GDA: variants seen among roughly 807,000 people sequenced by gnomAD.
The protein encoded by GDA is guanine deaminase.
Under a neutral mutation model 59.6 loss-of-function variants are expected in GDA, and 18 were observed. That is an observed-to-expected ratio of 0.30 (90% CI 0.21 to 0.45). The LOEUF (loss-of-function observed/expected upper bound fraction) is 0.45, where lower values mean the gene tolerates loss of function less well. GDA is among the 20% of genes least tolerant of loss of function. The pLI is 1.00. For missense variants in GDA, 427 were observed against 552.3 expected, an observed-to-expected ratio of 0.77 and a Z score of 2.27; for synonymous variants, 201 against 201.1, an observed-to-expected ratio of 1.00 and a Z score of 0.00.
chr9:72,129,817 G>T (rs909508444), intron 1 of GDA, among the ~76,000 whole-genome samples: 1 of 152,152 alleles, frequency 6.6e-6, no homozygotes, highest in Non-Finnish European at 1.5e-5. Context: ...CCAGAGGGTT[G>T]CTTGGTAAGC....
chr9:72,122,634 T>TACACACACAC (rs112045510), intron 1 of GDA, among the ~76,000 whole-genome samples: 140 of 147,492 alleles, frequency 9.5e-4, no homozygotes, highest in African/African-American at 3.2e-3. Flanking sequence ...TGTATACATT[T>TACACACACAC]ACACACACAC....
chr9:72,239,346 G>T (rs1443820644), intron 10 of GDA, among the ~76,000 whole-genome samples: 5 of 152,096 alleles, frequency 3.3e-5, no homozygotes, highest in Non-Finnish European at 7.4e-5. Flanking sequence ...CCAGTAAATT[G>T]CATAGCATTA....
At chr9:72,201,761 G>T (rs1468728596) in intron 2 of GDA, among the ~76,000 whole-genome samples, 1 of 152,158 alleles carries the variant, frequency 6.6e-6, no homozygotes, top group Non-Finnish European at 1.5e-5. Context: ...AAAGCATGAA[G>T]TGTCTGTTAG....
chr9:72,154,413 C>A (rs1268128148), intron 1 of GDA, among the ~76,000 whole-genome samples: 2 of 152,216 alleles, frequency 1.3e-5, no homozygotes, highest in Non-Finnish European at 2.9e-5. Context: ...TGCCTCCTAG[C>A]AAATCCTTAA....
intron 1 of GDA, among the ~76,000 whole-genome samples, chr9:72,122,802 T>C (rs1825708435): frequency 6.6e-6 from 1 of 152,154 alleles, no homozygotes; most frequent in Non-Finnish European, 1.5e-5. Flanking sequence ...CCAGCCTTTC[T>C]ATCATTTCCC....
At chr9:72,243,130 T>C (rs1839806869) in intron 11 of GDA, among the ~76,000 whole-genome samples, 1 of 152,200 alleles carries the variant, frequency 6.6e-6, no homozygotes, top group African/African-American at 2.4e-5. Flanking sequence ...TTTACATTCA[T>C]TCTCAAGAAG....
chr9:72,138,877 C>T (rs1826340693), intron 1 of GDA, among the ~76,000 whole-genome samples: 1 of 152,182 alleles, frequency 6.6e-6, no homozygotes, highest in Non-Finnish European at 1.5e-5. Context: ...GGTAACAGCA[C>T]ATTAAACAAC....
chr9:72,225,591 A>T (rs1291565762), intron 7 of GDA, 86 bp from the exon 8 acceptor site: 9 of 681,556 alleles, frequency 1.3e-5, no homozygotes, highest in Non-Finnish European at 2.3e-5. Context: ...CAAGTAGAAA[A>T]CCATTCACAC....
At chr9:72,137,242 C>CTTTTTTTTTTTTTTTTTT (rs143364725) in intron 1 of GDA, among the ~76,000 whole-genome samples, 4 of 84,506 alleles carry the variant, frequency 4.7e-5, no homozygotes, top group Non-Finnish European at 6.3e-5. Context: ...TTCTTTTTTT[C>CTTTTTTTTTTTTTTTTTT]TTTTTTTTTT....
chr9:72,200,623 T>G (rs974614447), intron 2 of GDA, among the ~76,000 whole-genome samples: 3 of 152,194 alleles, frequency 2.0e-5, no homozygotes, highest in African/African-American at 7.2e-5. Context: ...GTTAAACAAT[T>G]TAACTGCATG....
rs187862494 is a variant in GDA at position 72,142,960 on chromosome 9, G to A, written c.-100+28127G>A. On this transcript the variant is annotated intron_variant, in intron 1 of 13. Coordinates refer to the GDA transcript ENST00000545168. ...AATTTTGTATGTTTAGTAGAGACAG[G>A]GTTTCTCCATGTTGGTCAGGCTGGT... Among the ~76,000 whole-genome samples the A allele has an allele frequency of 1.6e-3, 239 of 151,430 alleles. 4 individuals are homozygous for A. The highest frequency in any genetic ancestry group is 5.5e-3 in the African/African-American group (226 of 41,242).
chr9:72,167,322 A>C (rs1435103090), intron 1 of GDA, among the ~76,000 whole-genome samples: 2 of 151,892 alleles, frequency 1.3e-5, no homozygotes, highest in Non-Finnish European at 2.9e-5. Context: ...TCCATCAGGG[A>C]GATAGATTTG....
chr9:72,121,986 T>C (rs969062276), intron 1 of GDA, among the ~76,000 whole-genome samples: 29 of 152,330 alleles, frequency 1.9e-4, no homozygotes, highest in African/African-American at 6.7e-4. Flanking sequence ...TATAAATCTC[T>C]GGGGTTGAAG....
At chr9:72,157,139 A>C (rs1001677632) in intron 1 of GDA, among the ~76,000 whole-genome samples, 1 of 145,806 alleles carries the variant, frequency 6.9e-6, no homozygotes, top group African/African-American at 2.6e-5. Flanking sequence ...TCCTGGGTTC[A>C]AGCGATTCTC....
intron 7 of GDA, 91 bp from the exon 8 acceptor site, chr9:72,225,586 A>T (rs996003108): frequency 1.5e-6 from 1 of 672,622 alleles, no homozygotes; most frequent in Non-Finnish European, 2.6e-6. Flanking sequence ...ATAGGCAAGT[A>T]GAAAACCATT....
intron 3 of GDA, among the ~76,000 whole-genome samples, chr9:72,209,689 G>T (rs1172798885): frequency 6.6e-6 from 1 of 152,036 alleles, no homozygotes; most frequent in Admixed American, 6.6e-5. Flanking sequence ...GCTATAAGGT[G>T]CTGACTGGAA....
At chr9:72,154,750 T>C (rs1054721589) in intron 1 of GDA, among the ~76,000 whole-genome samples, 2 of 152,186 alleles carry the variant, frequency 1.3e-5, no homozygotes, top group Non-Finnish European at 1.5e-5. Context: ...GGATTTTGAA[T>C]TAGTATGGGG....
intron 1 of GDA, among the ~76,000 whole-genome samples, chr9:72,179,603 C>T (rs1830937260): frequency 6.6e-6 from 1 of 152,180 alleles, no homozygotes. Flanking sequence ...TAGGACAGAT[C>T]AGTCTTATGA....
Position 72,149,460 on chromosome 9 carries a change from G to C in GDA, c.-100G>C. On this transcript the variant is annotated 5_prime_UTR_variant, in exon 1 of 14. Coordinates refer to ENST00000358399, the MANE Select transcript of GDA (RefSeq NM_004293.5). Reference sequence around the variant, plus strand: ...GGGGCAGGACAAGGCCGGAGCCTGTGTCCGCCCGGCAGCCGCCCGCAGCTG... The same window carrying C: ...GGGGCAGGACAAGGCCGGAGCCTGTCTCCGCCCGGCAGCCGCCCGCAGCTG... 2 of 1,428,588 alleles carry C rather than the reference G, an allele frequency of 1.4e-6. No homozygotes were observed. Among genetic ancestry groups the C allele is most frequent in the Non-Finnish European group, 1.9e-6 (2 of 1,058,408 alleles). The allele number at this position is 1,428,588 out of a possible 1,614,324, so 88.5% of individuals were successfully genotyped here.
Sources: gnomAD v4.1 joint callset for allele counts (sites outside exome capture counted in the v4.1 genomes callset) on GRCh38, gnomAD v4.1.1 for gene constraint, MANE v1.5 for transcripts, NCBI Gene and HGNC (gene_info 2026-07-23, HGNC 2026-07-21) for gene names.